Variants in NOTCH1 observed in about 807,000 individuals in gnomAD.
NOTCH1 encodes notch receptor 1, also known as neurogenic locus notch homolog protein 1.
In NOTCH1, 37 loss-of-function variants were observed where a neutral mutation model predicts 254.8. That is an observed-to-expected ratio of 0.15 (90% CI 0.11 to 0.19). The LOEUF (loss-of-function observed/expected upper bound fraction) is 0.19. Ranked by LOEUF, NOTCH1 falls within the 10% of genes least tolerant of loss-of-function variation. NOTCH1 has a pLI of 1.00. For synonymous variants in NOTCH1, 1,731 were observed against 1,618.1 expected (o/e 1.07, Z -1.68); for missense variants, 2,972 against 3,708.6 (o/e 0.80, Z 5.16).
chr9:136,515,192 C>T (rs1843244171), intron 12 of NOTCH1, 98 bp downstream of exon 12: 1 of 1,175,028 alleles, frequency 8.5e-7, no homozygotes, highest in Non-Finnish European at 1.2e-6. Context: ...TGGGCAGCAC[C>T]AAAGCCCTCA....
chr9:136,511,043 C>T (rs1843173720), intron 16 of NOTCH1, 109 bp downstream of exon 16: 1 of 1,541,240 alleles, frequency 6.5e-7, no homozygotes, highest in African/African-American at 1.4e-5. Flanking sequence ...CTCCTCAGCA[C>T]CCACCAGCTC....
Position 136,518,736 on chromosome 9 carries a change from G to A in NOTCH1, c.954C>T (p.Gly318=), listed in dbSNP as rs1166998934. 6.2e-7 allele frequency: 1 copy of A among 1,612,816 alleles called. No homozygotes were observed. Among genetic ancestry groups the A allele is most frequent in the Non-Finnish European group, 8.5e-7 (1 of 1,180,002 alleles). The change falls in exon 6 of 34, where the codon GGC becomes GGT. Residue 318 remains glycine (G), a synonymous_variant. Coordinates refer to ENST00000651671, the MANE Select transcript of NOTCH1 (RefSeq NM_017617.5). Reference sequence around the variant, plus strand: ...AGCCGTTGACACACACGCAGTTGTAGCCACCGTGGGTGTTGTGGCAGGTCC... The same window carrying A: ...AGCCGTTGACACACACGCAGTTGTAACCACCGTGGGTGTTGTGGCAGGTCC... ...NGGTCHNTHG[G]YNCVCVNGWT... is the part of the protein sequence containing the mutation.
rs765839822 is a variant in NOTCH1, at chr9:136,505,353, G to A, written c.4543C>T (p.Leu1515Phe). 4 of 1,605,530 alleles carry A rather than the reference G, an allele frequency of 2.5e-6. No individual in the cohort carries two copies. The Admixed American group carries it at 6.8e-5, about 27-fold the overall frequency. ...CDSQCNSAGC[L>F]FDGFDCQRAE... ...CGCTGGCAGTCAAAGCCGTCGAAGAGGCAGCCGGCTGAGTTGCACTGGCTG... is the reference window on the plus strand; with the variant it reads ...CGCTGGCAGTCAAAGCCGTCGAAGAAGCAGCCGGCTGAGTTGCACTGGCTG... The change falls in exon 25 of 34, where the codon CTC (leucine) becomes TTC (phenylalanine). Residue 1515 changes from leucine to phenylalanine, a missense_variant. This residue lies in a region of NOTCH1 where 1,343 missense variants were observed against 1,557.0 expected (regional missense o/e 0.86). Transcript: ENST00000651671.
Position 136,544,039 on chromosome 9 carries a change from C to T in NOTCH1, c.125G>A (p.Gly42Asp), listed in dbSNP as rs754666783. The T allele has an allele frequency of 8.9e-6, 14 of 1,574,302 alleles. No homozygotes were observed. In the South Asian group the frequency reaches 1.6e-4, roughly 18 times the overall value. Reference sequence around the variant, plus strand: ...TGGTACTCACACGCAGGCCTCCGTGCCATTGGCCGCTTCACACTTCCCGCC... The same window carrying T: ...TGGTACTCACACGCAGGCCTCCGTGTCATTGGCCGCTTCACACTTCCCGCC... ...LNGGKCEAAN[G>D]TEACVCGGAF... is the part of the protein sequence containing the mutation. The change falls in exon 2 of 34, where the codon GGC becomes GAC. Residue 42 changes from glycine (G) to aspartate (D), a missense_variant. By Grantham distance (94) the Gly-to-Asp change is moderately conservative. Coordinates refer to ENST00000651671, the MANE Select transcript of NOTCH1 (RefSeq NM_017617.5).
Position 136,518,296 on chromosome 9 carries a change from G to A in NOTCH1, c.1100-4C>T, listed in dbSNP as rs1297218175. 2 of 1,608,470 alleles carry A rather than the reference G, an allele frequency of 1.2e-6. No homozygotes were observed. Among genetic ancestry groups the A allele is most frequent in the East Asian group, 2.2e-5 (1 of 44,756 alleles). Reference sequence around the variant, plus strand: ...TCGTTGAGGTGGCACAGCAGACCTGGGCAGGCAGCGGCGGTCAGTGGGCAC... The same window carrying A: ...TCGTTGAGGTGGCACAGCAGACCTGAGCAGGCAGCGGCGGTCAGTGGGCAC... On this transcript the variant is annotated splice_region_variant and splice_polypyrimidine_tract_variant and intron_variant, in intron 6 of 33. Coordinates refer to ENST00000651671, the MANE Select transcript of NOTCH1 (RefSeq NM_017617.5).
rs1210610097 is a variant in NOTCH1 at position 136,517,742 on chromosome 9, G to A, written c.1441+10C>T. Reference sequence around the variant, plus strand: ...GACTCGGTTTCCCGCCCTGGCCCCGGCCGACGCACCGGGCATGCAGATGCA... The same window carrying A: ...GACTCGGTTTCCCGCCCTGGCCCCGACCGACGCACCGGGCATGCAGATGCA... On this transcript the variant is annotated intron_variant, in intron 8 of 33. Coordinates refer to ENST00000651671, the MANE Select transcript of NOTCH1 (RefSeq NM_017617.5). 1.9e-6 allele frequency: 3 copies of A among 1,612,520 alleles called. No individual in the cohort carries two copies. The highest frequency in any genetic ancestry group is 2.5e-6 in the Non-Finnish European group (3 of 1,179,860).
rs778658796 is a variant in NOTCH1, at chr9:136,544,042, T to C, written c.122A>G (p.Asn41Ser). ...CLNGGKCEAA[N>S]GTEACVCGGA... ...TACTCACACGCAGGCCTCCGTGCCA[T>C]TGGCCGCTTCACACTTCCCGCCATT... is the stretch of plus-strand genomic sequence containing the variant. Residue 41 changes from asparagine (N) to serine (S), a missense_variant, in exon 2 of 34, where the codon AAT becomes AGT. By Grantham distance (46) the Asn-to-Ser change is conservative (BLOSUM62 1). Transcript: ENST00000651671. 2 of 1,575,374 alleles carry C rather than the reference T, an allele frequency of 1.3e-6. No homozygotes were observed. The highest frequency in any genetic ancestry group is 1.8e-5 in the Admixed American group (1 of 54,924).
chr9:136,521,717 C>T (rs2133375694), intron 4 of NOTCH1, among the ~76,000 whole-genome samples: 1 of 152,348 alleles, frequency 6.6e-6, no homozygotes, highest in African/African-American at 2.4e-5. Context: ...CGCCCAGTGA[C>T]TTGCAGGAAA....
Position 136,506,359 on chromosome 9 carries a change from G to A in NOTCH1, c.4014+168C>T, listed in dbSNP as rs1182826185. On this transcript the variant is annotated intron_variant, in intron 24 of 33. Transcript: ENST00000651671. This position sits in a 1 kb window ranked among gnomAD's most constrained non-coding sequence, Gnocchi z 4.5. ...CTCCATTTTTCTATAAATCTAAAAT[G>A]TCTCTAAAATCATTTATTGAAACTA... 2.0e-5 allele frequency among the ~76,000 whole-genome samples: 3 copies of A among 150,774 alleles called. No homozygotes were observed. The highest frequency in any genetic ancestry group is 7.4e-5 in the African/African-American group (3 of 40,690).
At position 136,513,471 on chromosome 9, in the gene NOTCH1, T is replaced by G; in HGVS notation, c.2274A>C (p.Glu758Asp). ...TGCCGCCGTTGACACAAGGGTTGGA[T>G]TCACACTCATTGTTGTTGATGTCAC... ...TNCDINNNEC[E>D]SNPCVNGGTC... The change falls in exon 14 of 34, where the codon GAA (glutamate) becomes GAC (aspartate). Residue 758 changes from glutamate to aspartate, a missense_variant. Coordinates refer to ENST00000651671, the MANE Select transcript of NOTCH1 (RefSeq NM_017617.5). This position sits in a 1 kb window ranked among gnomAD's most constrained non-coding sequence, Gnocchi z 4.7. 1 of 1,613,242 alleles carries G rather than the reference T, an allele frequency of 6.2e-7. No homozygotes were observed. The highest frequency in any genetic ancestry group is 1.1e-5 in the South Asian group (1 of 91,080).
Position 136,518,014 on chromosome 9 carries a change from C to T in NOTCH1, c.1256-77G>A, listed in dbSNP as rs757184244. The T allele has an allele frequency of 3.1e-5, 49 of 1,579,328 alleles. No individual in the cohort carries two copies. In the East Asian group the frequency reaches 4.1e-4, roughly 13 times the overall value. ...ACACCTCACTGCACACCACCCCCAT[C>T]GGACTGGCAGGGTCCCATCCCCCAT... On this transcript the variant is annotated intron_variant, in intron 7 of 33. Transcript: ENST00000651671.
chr9:136,529,952 G>T (rs1012379334), intron 2 of NOTCH1, among the ~76,000 whole-genome samples: 3 of 152,234 alleles, frequency 2.0e-5, no homozygotes, highest in Admixed American at 6.5e-5. Flanking sequence ...GTCTTCCCCA[G>T]CGCCTGCAGC....
rs1843032142 is a variant in NOTCH1 at position 136,503,457 on chromosome 9, G to A, written c.5019-127C>T. The A allele has an allele frequency of 3.5e-6, 5 of 1,435,414 alleles. No homozygotes were observed. The East Asian group carries it at 9.6e-5, about 27-fold the overall frequency. 88.9% of individuals were successfully genotyped at this position (1,435,414 alleles called of 1,614,324 possible). ...GTCAGGACATGGTGAGGCAGCCTGG[G>A]GTGGTGGGAAGCCAGGTCTGACAGC... On this transcript the variant is annotated intron_variant, in intron 26 of 33. Transcript: ENST00000651671.
rs567942055 is a variant in NOTCH1, at chr9:136,518,612, C to G, written c.1078G>C (p.Glu360Gln). The G allele has an allele frequency of 6.2e-7, 1 of 1,612,688 alleles. No individual in the cohort carries two copies. Among genetic ancestry groups the G allele is most frequent in the Non-Finnish European group, 8.5e-7 (1 of 1,179,922 alleles). The change falls in exon 6 of 34, where the codon GAG (glutamate) becomes CAG (glutamine). Residue 360 changes from glutamate to glutamine, a missense_variant. Physicochemically the swap from Glu to Gln is conservative, Grantham distance 29. Around this residue, in one of 8 missense-constraint regions of NOTCH1, gnomAD observed 90 missense variants for 183.6 expected, o/e 0.49. Coordinates refer to ENST00000651671, the MANE Select transcript of NOTCH1 (RefSeq NM_017617.5). Reference sequence around the variant, plus strand: ...TCACCTGTGCGGCCATGGGGACACTCGCAGTAGAAGGAGGCCACACGGTCA... The same window carrying G: ...TCACCTGTGCGGCCATGGGGACACTGGCAGTAGAAGGAGGCCACACGGTCA... ...CHDRVASFYC[E>Q]CPHGRTGLLC...
chr9:136,531,819 C>T (rs758092643), intron 2 of NOTCH1, among the ~76,000 whole-genome samples: 39 of 152,246 alleles, frequency 2.6e-4, no homozygotes, highest in Non-Finnish European at 5.4e-4. Flanking sequence ...CCTCCCGATT[C>T]GGCCGCAGAT....
At position 136,495,824 on chromosome 9, in the gene NOTCH1, T is replaced by C. The variant is rs2133313128; in HGVS notation, c.*247A>G. ...CCCTGGCTCTCAGAACTTGCTTGTTTTCTCAGAATAGATAAAAGTTTCTAC... is the reference window on the plus strand; with the variant it reads ...CCCTGGCTCTCAGAACTTGCTTGTTCTCTCAGAATAGATAAAAGTTTCTAC... On this transcript the variant is annotated 3_prime_UTR_variant, in exon 34 of 34. Transcript: ENST00000651671. 2.3e-6 allele frequency: 1 copy of C among 441,378 alleles called. No homozygotes were observed. The highest frequency in any genetic ancestry group is 6.7e-5 in the South Asian group (1 of 14,860). The allele number at this position is 441,378 out of a possible 1,614,324, so 27.3% of individuals were successfully genotyped here.
At position 136,517,004 on chromosome 9, in the gene NOTCH1, CA is replaced by C. The variant is rs1418637399; in HGVS notation, c.1555+267del. On this transcript the variant is annotated intron_variant, in intron 9 of 33. Transcript: ENST00000651671. ...TCAGGAGGCCGGGGTGCAGACGGCC[CA>C]GGGGCAGGGGACACAATCCACGGCC... Among the ~76,000 whole-genome samples, 45 of 150,978 alleles carry C rather than the reference CA, an allele frequency of 3.0e-4. 1 individual carries two copies. In the East Asian group the frequency reaches 7.1e-3, roughly 24 times the overall value.
chr9:136,500,397 C>T (rs148790725), intron 31 of NOTCH1, among the ~76,000 whole-genome samples, 155 bp downstream of exon 31: 4 of 152,372 alleles, frequency 2.6e-5, no homozygotes, highest in East Asian at 1.9e-4. Context: ...CCTCGCACCT[C>T]GCTGACTGCG....
intron 16 of NOTCH1, 38 bp from the exon 17 acceptor site, chr9:136,510,843 C>T: frequency 1.2e-6 from 2 of 1,602,894 alleles, no homozygotes; most frequent in Non-Finnish European, 1.7e-6. Context: ...CACCAGCGGC[C>T]CCTGGCCCTC....
Sources: allele counts gnomAD v4.1 joint callset (sites outside exome capture counted in the v4.1 genomes callset), GRCh38; gene constraint gnomAD v4.1.1; regional missense constraint gnomAD v4.1.1; non-coding constraint Gnocchi (gnomAD v3.1); transcripts MANE v1.5; gene names NCBI Gene and HGNC (gene_info 2026-07-23, HGNC 2026-07-21).